Variants in PKDCC observed in about 807,000 individuals in gnomAD.
PKDCC encodes the protein protein kinase domain containing, cytoplasmic, also known as extracellular tyrosine-protein kinase PKDCC.
PKDCC carries 35 observed loss-of-function variants against 44.7 expected under a neutral mutation model. That is an observed-to-expected ratio of 0.78 (90% CI 0.60 to 1.04). The LOEUF (loss-of-function observed/expected upper bound fraction) is 1.04. Ranked by LOEUF, PKDCC falls within the 50% of genes least tolerant of loss-of-function variation. PKDCC has a pLI of 0.00. For synonymous variants in PKDCC, 353 were observed against 303.3 expected (o/e 1.16, Z -1.70); for missense variants, 738 against 672.7 (o/e 1.10, Z -1.07).
chr2:42,057,689 C>T lies in PKDCC; in HGVS notation c.*1C>T. Reference sequence around the variant, plus strand: ...CACATATGTGAAGGCCTCTGGCTGACCTATCTGAGGGCTCGGCTGACCAGC... The same window carrying T: ...CACATATGTGAAGGCCTCTGGCTGATCTATCTGAGGGCTCGGCTGACCAGC... On this transcript the variant is annotated 3_prime_UTR_variant, in exon 7 of 7. Transcript: ENST00000294964. 1 of 1,613,454 alleles carries T rather than the reference C, an allele frequency of 6.2e-7. No individual in the cohort carries two copies. The highest frequency in any genetic ancestry group is 8.5e-7 in the Non-Finnish European group (1 of 1,179,746).
chr2:42,057,728 C>T lies in PKDCC; in HGVS notation c.*40C>T, dbSNP rs1204856073. ...CGGCTGACCAGCTGACTATCCTCAG[C>T]AGCTGGGCTTGCCTGTGGAGGGAGT... On this transcript the variant is annotated 3_prime_UTR_variant, in exon 7 of 7. Transcript: ENST00000294964. 14 of 1,578,832 alleles carry T rather than the reference C, an allele frequency of 8.9e-6. No homozygotes were observed. Among genetic ancestry groups the T allele is most frequent in the African/African-American group, 1.3e-5 (1 of 74,292 alleles).
At chr2:42,057,578 G>A (rs1167549477) in intron 6 of PKDCC, 25 bp from the exon 7 acceptor site, 1 of 1,610,206 alleles carries the variant, frequency 6.2e-7, no homozygotes, top group Non-Finnish European at 8.5e-7. Context: ...ATCCAGCCCT[G>A]TTACCTCTCA....
rs1668041255 is a variant in PKDCC at position 42,055,633 on chromosome 2, A to G, written c.1222+240A>G. The G allele has an allele frequency of 1.9e-6, 1 of 514,636 alleles. No homozygotes were observed. The highest frequency in any genetic ancestry group is 3.5e-6 in the Non-Finnish European group (1 of 285,240). The allele number at this position is 514,636 out of a possible 1,614,324, so 31.9% of individuals were successfully genotyped here. On this transcript the variant is annotated intron_variant, in intron 5 of 6. Transcript: ENST00000294964. This position sits in a 1 kb window ranked among gnomAD's most constrained non-coding sequence, Gnocchi z 4.5. ...CCTGGGGTTGGGCACTGATACCCCT[A>G]CTCTGGATGGCTCCAAACCCTATCA...
chr2:42,048,606 G>C lies in PKDCC; in HGVS notation c.407G>C (p.Arg136Pro). 1 of 1,507,910 alleles carries C rather than the reference G, an allele frequency of 6.6e-7. No individual in the cohort carries two copies. Among genetic ancestry groups the C allele is most frequent in the East Asian group, 2.6e-5 (1 of 38,740 alleles). 93.4% of individuals were successfully genotyped at this position (1,507,910 alleles called of 1,614,324 possible). ...CCGCGCCTGGGCTGCGCCGCGCTTC[G>C]CAACGTGTCCGGCGCGCAGTACATG... ...PGPRLGCAAL[R>P]NVSGAQYMGS... Residue 136 changes from arginine to proline, a missense_variant, in exon 1 of 7, where the codon CGC becomes CCC. By Grantham distance (103) the Arg-to-Pro change is moderately radical (BLOSUM62 -2). Transcript: ENST00000294964. This position sits in a 1 kb window ranked among gnomAD's most constrained non-coding sequence, Gnocchi z 6.2.
In PKDCC at chr2:42,052,539, G is replaced by A. The variant is rs761816281; in HGVS notation, c.640-700G>A. 2.6e-5 allele frequency among the ~76,000 whole-genome samples: 4 copies of A among 152,010 alleles called. No homozygotes were observed. The highest frequency in any genetic ancestry group is 4.1e-4 in the South Asian group (2 of 4,824). On this transcript the variant is annotated intron_variant, in intron 1 of 6. Transcript: ENST00000294964. This position sits in a 1 kb window ranked among gnomAD's most constrained non-coding sequence, Gnocchi z 4.3. ...CAAGGTAGGCAGATCACTTGAGGTC[G>A]GCAGTTTGAGACCAGCCTGGCCAAC...
chr2:42,048,750 T>C lies in PKDCC; in HGVS notation c.551T>C (p.Val184Ala). ...GGCAGCTGCGTGCGCGAGTTCGGGG[T>C]ACGGAGGGGCTGCTATCGGCTGGCG... Reference protein sequence around the residue: ...DLGSCVREFGVRRGCYRLAAH... With the variant: ...DLGSCVREFGARRGCYRLAAH... The change falls in exon 1 of 7, where the codon GTA becomes GCA. Residue 184 changes from valine (V) to alanine (A), a missense_variant. By Grantham distance (64) the Val-to-Ala change is moderately conservative (BLOSUM62 0). Transcript: ENST00000294964. The surrounding 1 kb of genome is among the most constrained non-coding windows in gnomAD (Gnocchi z 6.2). The C allele has an allele frequency of 1.3e-6, 2 of 1,578,800 alleles. No individual in the cohort carries two copies. Among genetic ancestry groups the C allele is most frequent in the African/African-American group, 1.3e-5 (1 of 74,274 alleles).
In PKDCC at chr2:42,055,155, C is replaced by A; in HGVS notation, c.1115-131C>A. ...TTCCTAAGGTGGCATTCTGCCGCAA[C>A]CTCCCCGCTCCCCCGCCCTCTGTTC... On this transcript the variant is annotated intron_variant, in intron 4 of 6. Transcript: ENST00000294964. The surrounding 1 kb of genome is among the most constrained non-coding windows in gnomAD (Gnocchi z 4.5). The A allele has an allele frequency of 7.9e-7, 1 of 1,266,840 alleles. No homozygotes were observed. The highest frequency in any genetic ancestry group is 1.3e-5 in the South Asian group (1 of 77,382). The allele number at this position is 1,266,840 out of a possible 1,614,324, so 78.5% of individuals were successfully genotyped here.
rs1026265598 is a variant in PKDCC at position 42,051,523 on chromosome 2, G to C, written c.640-1716G>C. Among the ~76,000 whole-genome samples the C allele has an allele frequency of 2.6e-5, 4 of 152,082 alleles. No homozygotes were observed. The highest frequency in any genetic ancestry group is 9.7e-5 in the African/African-American group (4 of 41,392). On this transcript the variant is annotated intron_variant, in intron 1 of 6. Transcript: ENST00000294964. The surrounding 1 kb of genome is among the most constrained non-coding windows in gnomAD (Gnocchi z 4.2). Reference sequence around the variant, plus strand: ...GTGTCTTTTTATTTTTTCCTGAGGGGTGTTGATTAATACCTCGTTAACAGC... The same window carrying C: ...GTGTCTTTTTATTTTTTCCTGAGGGCTGTTGATTAATACCTCGTTAACAGC...
chr2:42,053,205 T>G, intron 1 of PKDCC, 34 bp from the exon 2 acceptor site: 4 of 835,608 alleles, frequency 4.8e-6, no homozygotes, highest in Non-Finnish European at 6.6e-6. Flanking sequence ...ACCCCCACCC[T>G]GTGACCTAAT....
Position 42,055,255 on chromosome 2 carries a change from C to T in PKDCC, c.1115-31C>T, listed in dbSNP as rs201266311. On this transcript the variant is annotated intron_variant, in intron 4 of 6. Transcript: ENST00000294964. This position sits in a 1 kb window ranked among gnomAD's most constrained non-coding sequence, Gnocchi z 4.5. ...TTCAGGGAGGAGTGGGAGCCCCAGG[C>T]ATCCTGTCTTAGCCACACTGCACTC... 5.0e-6 allele frequency: 8 copies of T among 1,584,828 alleles called. No individual in the cohort carries two copies. The African/African-American group carries it at 1.1e-4, about 21-fold the overall frequency.
Position 42,058,435 on chromosome 2 carries a change from T to A in PKDCC, c.*747T>A, listed in dbSNP as rs2424. On this transcript the variant is annotated 3_prime_UTR_variant, in exon 7 of 7. Transcript: ENST00000294964. The surrounding 1 kb of genome is among the most constrained non-coding windows in gnomAD (Gnocchi z 4.2). ...TCCTCGAGTTTGAATATCCAGAATC[T>A]TTTGTACTTCTTGTTGGTTAAATTG... The A allele has an allele frequency of 0.18, 27,366 of 152,554 alleles. 2,744 individuals are homozygous for A. The highest frequency in any genetic ancestry group is 0.26 in the Middle Eastern group (76 of 294). 9.5% of individuals were successfully genotyped at this position (152,554 alleles called of 1,614,324 possible). A position where few individuals can be genotyped will look rare whatever the true frequency, so the allele number is the denominator to read the frequency against.
At position 42,054,393 on chromosome 2, in the gene PKDCC, G is replaced by A; in HGVS notation, c.1034+86G>A. 1 of 1,462,610 alleles carries A rather than the reference G, an allele frequency of 6.8e-7. No homozygotes were observed. The allele number at this position is 1,462,610 out of a possible 1,614,324, so 90.6% of individuals were successfully genotyped here. A position where few individuals can be genotyped will look rare whatever the true frequency, so the allele number is the denominator to read the frequency against. On this transcript the variant is annotated intron_variant, in intron 3 of 6. Coordinates refer to ENST00000294964, the MANE Select transcript of PKDCC (RefSeq NM_138370.3). The surrounding 1 kb of genome is among the most constrained non-coding windows in gnomAD (Gnocchi z 6.1). ...AGGAAGAGAGCCAACGTGGAGGCCAGCTGGGCAGGGAGACTCAGCCTTGAC... is the reference window on the plus strand; with the variant it reads ...AGGAAGAGAGCCAACGTGGAGGCCAACTGGGCAGGGAGACTCAGCCTTGAC...
chr2:42,057,452 T>C lies in PKDCC; in HGVS notation c.1396+58T>C. 2.5e-6 allele frequency: 4 copies of C among 1,603,812 alleles called. No homozygotes were observed. In the South Asian group the frequency reaches 3.3e-5, roughly 13 times the overall value. On this transcript the variant is annotated intron_variant, in intron 6 of 6. Coordinates refer to ENST00000294964, the MANE Select transcript of PKDCC (RefSeq NM_138370.3). ...ATGGCAGGACCTCTCTGGAGGTTGATAGATAGTGATCCCCCATCGGAAGTC... is the reference window on the plus strand; with the variant it reads ...ATGGCAGGACCTCTCTGGAGGTTGACAGATAGTGATCCCCCATCGGAAGTC...
intron 2 of PKDCC, chr2:42,053,640 C>G: frequency 1.9e-6 from 1 of 534,620 alleles, no homozygotes; most frequent in Non-Finnish European, 3.3e-6. Flanking sequence ...CACTCACACA[C>G]TCACACTCAG....
rs199780810 is a variant in PKDCC at position 42,048,739 on chromosome 2, C to G, written c.540C>G (p.Arg180=). 2.4e-4 allele frequency: 379 copies of G among 1,575,630 alleles called. 2 individuals carry two copies. The highest frequency in any genetic ancestry group is 2.2e-5 in the Non-Finnish European group (26 of 1,161,120). ...GCCACGATCTGGGCAGCTGCGTGCG[C>G]GAGTTCGGGGTACGGAGGGGCTGCT... is the stretch of plus-strand genomic sequence containing the variant. The part of the protein sequence containing the change: ...FSGHDLGSCV[R]EFGVRRGCYR... Residue 180 remains arginine, a synonymous_variant, in exon 1 of 7, where the codon CGC becomes CGG. Transcript: ENST00000294964. The surrounding 1 kb of genome is among the most constrained non-coding windows in gnomAD (Gnocchi z 6.2).
chr2:42,056,309 G>A (rs1668056567), intron 5 of PKDCC, among the ~76,000 whole-genome samples: 1 of 152,172 alleles, frequency 6.6e-6, no homozygotes, highest in Non-Finnish European at 1.5e-5. Context: ...GGAGCTCACT[G>A]ATTGTGAGTT....
At position 42,057,348 on chromosome 2, in the gene PKDCC, T is replaced by G; in HGVS notation, c.1350T>G (p.His450Gln). 6.2e-7 allele frequency: 1 copy of G among 1,614,208 alleles called. No homozygotes were observed. Among genetic ancestry groups the G allele is most frequent in the Non-Finnish European group, 8.5e-7 (1 of 1,180,038 alleles). The change falls in exon 6 of 7, where the codon CAT becomes CAG. Residue 450 changes from histidine to glutamine, a missense_variant. His to Gln is a conservative substitution (Grantham distance 24). Coordinates refer to ENST00000294964, the MANE Select transcript of PKDCC (RefSeq NM_138370.3). The stretch of plus-strand genomic sequence containing the variant: ...AGGCTGTGGATGTCTGTGAGAGCCA[T>G]GCCCAGTGTCGGGCCTTTGTGGTCA... ...LAEAVDVCESHAQCRAFVVTN... is the reference protein window; with the variant it reads ...LAEAVDVCESQAQCRAFVVTN...
chr2:42,054,584 T>C lies in PKDCC; in HGVS notation c.1034+277T>C. ...GCCTAGGGCTGGTGGAACTGGCACT[T>C]TTCCCTTCCCACCCAGGCCCTTGTG... On this transcript the variant is annotated intron_variant, in intron 3 of 6. Coordinates refer to ENST00000294964, the MANE Select transcript of PKDCC (RefSeq NM_138370.3). The surrounding 1 kb of genome is among the most constrained non-coding windows in gnomAD (Gnocchi z 6.1). The C allele has an allele frequency of 3.7e-6, 2 of 546,760 alleles. No individual in the cohort carries two copies. Among genetic ancestry groups the C allele is most frequent in the South Asian group, 4.9e-5 (2 of 40,490 alleles). The allele number at this position is 546,760 out of a possible 1,614,324, so 33.9% of individuals were successfully genotyped here.
rs1271001650 is a variant in PKDCC, at chr2:42,054,361, G to T, written c.1034+54G>T. On this transcript the variant is annotated intron_variant, in intron 3 of 6. Coordinates refer to ENST00000294964, the MANE Select transcript of PKDCC (RefSeq NM_138370.3). The surrounding 1 kb of genome is among the most constrained non-coding windows in gnomAD (Gnocchi z 6.1). ...CATCGAAGGAGAATGGGCCAGGAGG[G>T]CATGGCAGGAAGAGAGCCAACGTGG... 1.1e-5 allele frequency: 17 copies of T among 1,538,874 alleles called. No individual in the cohort carries two copies. Among genetic ancestry groups the T allele is most frequent in the Admixed American group, 5.8e-5 (3 of 51,860 alleles).
Sources: allele counts gnomAD v4.1 joint callset (sites outside exome capture counted in the v4.1 genomes callset), GRCh38; gene constraint gnomAD v4.1.1; non-coding constraint Gnocchi (gnomAD v3.1); transcripts MANE v1.5; gene names NCBI Gene and HGNC (gene_info 2026-07-23, HGNC 2026-07-21).